DGKB: variants seen among roughly 807,000 people sequenced by gnomAD.
The protein encoded by DGKB is diacylglycerol kinase beta.
In DGKB, 67 loss-of-function variants were observed where a neutral mutation model predicts 114.3. That is an observed-to-expected ratio of 0.59 (90% CI 0.48 to 0.72). The LOEUF (loss-of-function observed/expected upper bound fraction) is 0.72, where lower values mean the gene tolerates loss of function less well. Ranked by LOEUF, DGKB falls within the 30% of genes least tolerant of loss-of-function variation. DGKB has a pLI of 0.00. For missense variants in DGKB, 907 were observed against 975.2 expected (o/e 0.93, Z 0.93); for synonymous variants, 398 against 323.1 (o/e 1.23, Z -2.49).
chr7:14,770,877 C>A (rs1393329679), intron 2 of DGKB, among the ~76,000 whole-genome samples: 1 of 152,058 alleles, frequency 6.6e-6, no homozygotes, highest in Non-Finnish European at 1.5e-5. Flanking sequence ...TGCTCTTATA[C>A]AAAGGGTGGA....
intron 23 of DGKB, among the ~76,000 whole-genome samples, chr7:14,308,112 C>G (rs894575296): frequency 1.3e-5 from 2 of 151,946 alleles, no homozygotes; most frequent in African/African-American, 4.8e-5. Context: ...TTTTTATGTA[C>G]TTCAAGAATG....
At chr7:14,509,949 G>T (rs1267707444) in intron 20 of DGKB, among the ~76,000 whole-genome samples, 1 of 152,196 alleles carries the variant, frequency 6.6e-6, no homozygotes, top group Admixed American at 6.5e-5. Context: ...GCCGAGGCGG[G>T]CTGGTCATGA....
intron 1 of DGKB, among the ~76,000 whole-genome samples, chr7:14,915,254 G>C (rs915617957): frequency 1.3e-5 from 2 of 152,072 alleles, no homozygotes; most frequent in Non-Finnish European, 2.9e-5. Flanking sequence ...CATGTCTCTA[G>C]TCCCACCCAG....
At chr7:14,300,634 A>G (rs1489501722) in intron 23 of DGKB, among the ~76,000 whole-genome samples, 1 of 152,016 alleles carries the variant, frequency 6.6e-6, no homozygotes, top group African/African-American at 2.4e-5. Context: ...TCCTCTCTAC[A>G]TTAGATCTTT....
intron 21 of DGKB, among the ~76,000 whole-genome samples, chr7:14,470,993 T>G (rs1781204173): frequency 6.6e-6 from 1 of 151,276 alleles, no homozygotes; most frequent in African/African-American, 2.4e-5. Context: ...TATTATATTT[T>G]TAACTTCTCA....
chr7:14,756,754 A>C (rs1434795348), intron 3 of DGKB, among the ~76,000 whole-genome samples: 2 of 151,898 alleles, frequency 1.3e-5, no homozygotes, highest in African/African-American at 4.8e-5. Context: ...CAAAAAAAAA[A>C]CAATAATAGC....
chr7:14,212,429 TA>T (rs68013710), intron 23 of DGKB, among the ~76,000 whole-genome samples: 1,338 of 34,760 alleles, frequency 0.038, 363 homozygotes, highest in Middle Eastern at 0.093. Context: ...TGTTTTGTGA[TA>T]TTTACTCTCA....
chr7:14,664,735 C>CT (rs1288580592), intron 13 of DGKB, among the ~76,000 whole-genome samples: 2 of 152,076 alleles, frequency 1.3e-5, no homozygotes, highest in African/African-American at 4.8e-5. Context: ...ATTCCCACCT[C>CT]TAGAGCCCCT....
chr7:14,358,540 T>C (rs1815050851), intron 21 of DGKB, among the ~76,000 whole-genome samples: 1 of 152,154 alleles, frequency 6.6e-6, no homozygotes, highest in African/African-American at 2.4e-5. Context: ...GACATGATTG[T>C]ATATTTAGAA....
chr7:14,425,591 C>G (rs1376308316), intron 21 of DGKB, among the ~76,000 whole-genome samples: 3 of 152,136 alleles, frequency 2.0e-5, no homozygotes, highest in Non-Finnish European at 4.4e-5. Flanking sequence ...AAGCATTAAT[C>G]TGATAGTCAG....
intron 4 of DGKB, among the ~76,000 whole-genome samples, chr7:14,739,462 A>C (rs1017013774): frequency 7.9e-5 from 12 of 152,168 alleles, no homozygotes; most frequent in African/African-American, 2.9e-4. Flanking sequence ...TGTGAGGTGG[A>C]AACCCGAATG....
intron 18 of DGKB, among the ~76,000 whole-genome samples, chr7:14,581,986 T>C (rs1387443313): frequency 6.6e-6 from 1 of 152,214 alleles, no homozygotes; most frequent in Non-Finnish European, 1.5e-5. Flanking sequence ...ATTAGTAGAT[T>C]AAAGCTGTTA....
chr7:14,416,839 T>A (rs922800964), intron 21 of DGKB, among the ~76,000 whole-genome samples: 2 of 152,126 alleles, frequency 1.3e-5, no homozygotes, highest in Non-Finnish European at 2.9e-5. Context: ...AGTTTCTACA[T>A]GCACAGGTAA....
intron 20 of DGKB, among the ~76,000 whole-genome samples, chr7:14,479,314 C>T (rs923419166): frequency 4.6e-5 from 7 of 152,088 alleles, no homozygotes; most frequent in Non-Finnish European, 4.4e-5. Context: ...TCATGCATAA[C>T]AAAGCATGAA....
chr7:14,196,893 G>A (rs2128282526), intron 23 of DGKB, among the ~76,000 whole-genome samples: 1 of 152,140 alleles, frequency 6.6e-6, no homozygotes, highest in East Asian at 1.9e-4. Flanking sequence ...GTTTTAAAAA[G>A]CGTGTTATTT....
At chr7:14,820,671 T>C (rs1159342706) in intron 2 of DGKB, among the ~76,000 whole-genome samples, 2 of 152,114 alleles carry the variant, frequency 1.3e-5, no homozygotes, top group African/African-American at 4.8e-5. Flanking sequence ...GGATGGATAG[T>C]TGGGGAATGT....
At chr7:14,398,578 T>A (rs1822598454) in intron 21 of DGKB, among the ~76,000 whole-genome samples, 1 of 152,024 alleles carries the variant, frequency 6.6e-6, no homozygotes. Flanking sequence ...TCTGTTTTTA[T>A]TATCATTTTG....
chr7:14,178,273 GA>G, intron 23 of DGKB, 122 bp from the exon 24 acceptor site: 5 of 1,037,082 alleles, frequency 4.8e-6, no homozygotes, highest in Non-Finnish European at 6.9e-6. Context: ...GCTTGTCTTA[GA>G]AACTTAAAGT....
At position 14,227,294 on chromosome 7, in the gene DGKB, T is replaced by C. The variant is rs115963183; in HGVS notation, c.2123-49143A>G. 4.2e-3 allele frequency among the ~76,000 whole-genome samples: 643 copies of C among 152,154 alleles called. 5 individuals carry two copies. The highest frequency in any genetic ancestry group is 6.4e-3 in the Non-Finnish European group (436 of 67,962). On this transcript the variant is annotated intron_variant, in intron 23 of 25. Coordinates refer to ENST00000402815, the MANE Select transcript of DGKB (RefSeq NM_001350709.2). ...AACTTCATGCACACCACACTGTAAA[T>C]TGAACTAGATTCACACTTTGGAAAG...
Sources: allele counts gnomAD v4.1 joint callset (sites outside exome capture counted in the v4.1 genomes callset), GRCh38; gene constraint gnomAD v4.1.1; transcripts MANE v1.5; gene names NCBI Gene and HGNC (gene_info 2026-07-23, HGNC 2026-07-21).